The following SPOCK1 variants were observed in gnomAD, a reference collection of about 807,000 sequenced individuals.
SPOCK1 encodes the protein SPARC (osteonectin), cwcv and kazal like domains proteoglycan 1.
Under a neutral mutation model 55.3 loss-of-function variants are expected in SPOCK1, and 23 were observed. The ratio of observed to expected loss-of-function variants is 0.42; its 90% CI spans 0.30 to 0.59. The LOEUF (loss-of-function observed/expected upper bound fraction) is 0.59, where lower values mean the gene tolerates loss of function less well. Among genes scored for constraint, SPOCK1 ranks in the 20% least tolerant of loss-of-function variants. The pLI, the probability that SPOCK1 is intolerant of heterozygous loss-of-function variation, is 0.22. For synonymous variants in SPOCK1, 226 were observed against 221.0 expected, an observed-to-expected ratio of 1.02 and a Z score of -0.20; for missense variants, 499 against 552.5, an observed-to-expected ratio of 0.90 and a Z score of 0.97.
intron 2 of SPOCK1, among the ~76,000 whole-genome samples, chr5:137,489,668 C>G (rs1173168021): frequency 3.3e-5 from 5 of 152,214 alleles, no homozygotes; most frequent in Non-Finnish European, 7.3e-5. Flanking sequence ...GACTCATTCC[C>G]CTGCCCCCAA....
chr5:137,204,354 T>C (rs951133504), intron 3 of SPOCK1, among the ~76,000 whole-genome samples: 2 of 152,200 alleles, frequency 1.3e-5, no homozygotes, highest in African/African-American at 4.8e-5. Context: ...CCCCACTCTG[T>C]GTCTGGGAGA....
intron 5 of SPOCK1, among the ~76,000 whole-genome samples, chr5:137,098,715 C>T (rs1369898749): frequency 2.0e-5 from 3 of 152,224 alleles, no homozygotes; most frequent in Non-Finnish European, 2.9e-5. Context: ...ACACATTGCT[C>T]TTCCCTCACC....
chr5:137,293,434 C>T (rs1213339209), intron 2 of SPOCK1, among the ~76,000 whole-genome samples: 1 of 152,134 alleles, frequency 6.6e-6, no homozygotes, highest in Non-Finnish European at 1.5e-5. Context: ...TAAATTCTGA[C>T]AATGCCCTCT....
chr5:137,471,320 T>C (rs1753733245), intron 2 of SPOCK1, among the ~76,000 whole-genome samples: 1 of 152,172 alleles, frequency 6.6e-6, no homozygotes, highest in African/African-American at 2.4e-5. Context: ...GTTGTGTATT[T>C]TTATCTTTTT....
intron 3 of SPOCK1, among the ~76,000 whole-genome samples, chr5:137,237,957 T>C (rs1472250361): frequency 1.3e-5 from 2 of 152,196 alleles, no homozygotes; most frequent in African/African-American, 4.8e-5. Context: ...TCAAACTTAT[T>C]TTAAAAGCAA....
chr5:137,287,355 G>A (rs934795794), intron 2 of SPOCK1, among the ~76,000 whole-genome samples: 1 of 152,112 alleles, frequency 6.6e-6, no homozygotes, highest in African/African-American at 2.4e-5. Flanking sequence ...CACCAGAAGC[G>A]CCTCCACACA....
At position 137,373,807 on chromosome 5, in the gene SPOCK1, C is replaced by G. The variant is rs139661138; in HGVS notation, c.187-106752G>C. Among the ~76,000 whole-genome samples, 72 of 152,352 alleles carry G rather than the reference C, an allele frequency of 4.7e-4. 1 individual carries two copies. The East Asian group carries it at 0.012, about 26-fold the overall frequency. On this transcript the variant is annotated intron_variant, in intron 2 of 10. Transcript: ENST00000394945. ...CAGCAGGAGCTCAGAATCAAACAGA[C>G]CTGGCTCAGCGTCTTACTAGCAGTG... is the stretch of plus-strand genomic sequence containing the variant.
At chr5:137,189,855 G>A (rs1483547172) in intron 3 of SPOCK1, among the ~76,000 whole-genome samples, 1 of 152,016 alleles carries the variant, frequency 6.6e-6, no homozygotes, top group Non-Finnish European at 1.5e-5. Flanking sequence ...ACGGGAGGAA[G>A]TAAAAATACC....
At chr5:137,356,028 C>T (rs1317816489) in intron 2 of SPOCK1, among the ~76,000 whole-genome samples, 1 of 152,184 alleles carries the variant, frequency 6.6e-6, no homozygotes, top group Non-Finnish European at 1.5e-5. Flanking sequence ...TTGGAAGGAA[C>T]CTATGTACTT....
chr5:136,988,416 C>G lies in SPOCK1; in HGVS notation c.928+6G>C. Reference sequence around the variant, plus strand: ...CTAGGGACCCCAACCCTCCATCCCACCTTACCTCCAGGCTTCTGGAAGCAG... The same window carrying G: ...CTAGGGACCCCAACCCTCCATCCCAGCTTACCTCCAGGCTTCTGGAAGCAG... On this transcript the variant is annotated splice_donor_region_variant and intron_variant, in intron 8 of 10. Coordinates refer to ENST00000394945, the MANE Select transcript of SPOCK1 (RefSeq NM_004598.4). The G allele has an allele frequency of 6.2e-7, 1 of 1,612,708 alleles. No homozygotes were observed. The highest frequency in any genetic ancestry group is 1.1e-5 in the South Asian group (1 of 91,042).
At chr5:137,483,702 C>T (rs948212565) in intron 2 of SPOCK1, among the ~76,000 whole-genome samples, 9 of 152,252 alleles carry the variant, frequency 5.9e-5, no homozygotes, top group African/African-American at 2.2e-4. Context: ...TTTAGCAGCA[C>T]CCATGGCTTC....
At chr5:137,442,607 A>T (rs983647165) in intron 2 of SPOCK1, among the ~76,000 whole-genome samples, 2 of 152,218 alleles carry the variant, frequency 1.3e-5, no homozygotes, top group Non-Finnish European at 2.9e-5. Context: ...CACTCACACT[A>T]ACCGAGGATC....
Position 137,145,501 on chromosome 5 carries a change from G to A in SPOCK1, c.233-4807C>T, listed in dbSNP as rs986774634. 2.6e-5 allele frequency among the ~76,000 whole-genome samples: 4 copies of A among 152,328 alleles called. No homozygotes were observed. In the South Asian group the frequency reaches 6.2e-4, roughly 24 times the overall value. ...CAGAGCTTGATACCACCTCAGAGAT[G>A]CTCAGATGAGAAGAAGGTTCCATTT... On this transcript the variant is annotated intron_variant, in intron 3 of 10. Coordinates refer to ENST00000394945, the MANE Select transcript of SPOCK1 (RefSeq NM_004598.4).
At chr5:137,476,271 T>C (rs141044643) in intron 2 of SPOCK1, among the ~76,000 whole-genome samples, 2 of 152,104 alleles carry the variant, frequency 1.3e-5, no homozygotes, top group African/African-American at 4.8e-5. Context: ...ATGTAAGAAA[T>C]TAAAAAAGAT....
chr5:137,388,014 G>C (rs2127177838), intron 2 of SPOCK1, among the ~76,000 whole-genome samples: 1 of 152,288 alleles, frequency 6.6e-6, no homozygotes, highest in Non-Finnish European at 1.5e-5. Flanking sequence ...GCTGAGAATA[G>C]AATCCAGGTT....
At chr5:137,079,802 C>A (rs1004482869) in intron 5 of SPOCK1, among the ~76,000 whole-genome samples, 17 of 152,130 alleles carry the variant, frequency 1.1e-4, no homozygotes, top group African/African-American at 4.1e-4. Context: ...CTTCCCCACC[C>A]AGGCGTGTCC....
chr5:137,063,253 A>G (rs958447589), intron 6 of SPOCK1, among the ~76,000 whole-genome samples: 3 of 151,600 alleles, frequency 2.0e-5, no homozygotes, highest in African/African-American at 7.3e-5. Context: ...AAAAAAAAAA[A>G]AAAAGAAAGA....
chr5:136,995,804 C>A (rs534577702), intron 6 of SPOCK1, among the ~76,000 whole-genome samples: 1 of 152,290 alleles, frequency 6.6e-6, no homozygotes, highest in South Asian at 2.1e-4. Context: ...TCGGATCAGG[C>A]ACTGAAATCC....
chr5:137,210,910 T>G (rs1183837770), intron 3 of SPOCK1, among the ~76,000 whole-genome samples: 1 of 152,222 alleles, frequency 6.6e-6, no homozygotes, highest in African/African-American at 2.4e-5. Flanking sequence ...AGGTTGTTCA[T>G]TCCCCCAGTA....
Sources: allele counts gnomAD v4.1 joint callset (sites outside exome capture counted in the v4.1 genomes callset), GRCh38; gene constraint gnomAD v4.1.1; transcripts MANE v1.5; gene names NCBI Gene and HGNC (gene_info 2026-07-23, HGNC 2026-07-21).